KIDINS220: variants seen among roughly 807,000 people sequenced by gnomAD.
KIDINS220 encodes kinase D-interacting substrate of 220 kDa.
A neutral mutation model predicts 157.6 loss-of-function variants in KIDINS220; 63 were observed. The ratio of observed to expected loss-of-function variants is 0.40; its 90% confidence interval spans 0.33 to 0.49. KIDINS220 has a LOEUF of 0.49. Among genes scored for constraint, KIDINS220 ranks in the 20% least tolerant of loss-of-function variants. The probability of loss-of-function intolerance (pLI) is 0.66; values close to 1 mark genes in which losing one functional copy is unlikely to be tolerated. For missense variants in KIDINS220, 1,772 were observed against 2,171.2 expected (o/e 0.82, Z 3.65); for synonymous variants, 732 against 783.6 (o/e 0.93, Z 1.10).
At chr2:8,770,858 A>T (rs760841024) in intron 21 of KIDINS220, 26 bp from the exon 22 acceptor site, 58 of 1,431,976 alleles carry the variant, frequency 4.1e-5, no homozygotes, top group Non-Finnish European at 5.1e-5. Flanking sequence ...AAAGCATTTA[A>T]AAATTAATAG....
intron 22 of KIDINS220, among the ~76,000 whole-genome samples, chr2:8,759,367 G>A (rs969804911): frequency 1.3e-5 from 2 of 151,708 alleles, no homozygotes; most frequent in Middle Eastern, 3.4e-3. Context: ...GAGTTTACTC[G>A]ACATTAAACA....
intron 21 of KIDINS220, among the ~76,000 whole-genome samples, chr2:8,776,291 G>A (rs1248790934): frequency 6.6e-6 from 1 of 152,086 alleles, no homozygotes; most frequent in Admixed American, 6.6e-5. Context: ...CTGAAGCTAT[G>A]AGCAAGGAGG....
chr2:8,791,127 T>C lies in KIDINS220; in HGVS notation c.1374A>G (p.Pro458=). ...ADILSEPTMQ[P]PICVGLYAQW... ...GTGCATATAACCCCACACAAATGGGTGGCTGCATGGTAGGCTCACTGAGAA... is the reference window on the plus strand; with the variant it reads ...GTGCATATAACCCCACACAAATGGGCGGCTGCATGGTAGGCTCACTGAGAA... Residue 458 remains proline (P), a synonymous_variant, in exon 13 of 30, where the codon CCA becomes CCG. Transcript: ENST00000256707. The C allele has an allele frequency of 6.2e-7, 1 of 1,614,062 alleles. No individual in the cohort carries two copies. The highest frequency in any genetic ancestry group is 8.5e-7 in the Non-Finnish European group (1 of 1,179,956).
intron 11 of KIDINS220, among the ~76,000 whole-genome samples, chr2:8,795,335 C>G (rs1040868518): frequency 6.6e-6 from 1 of 152,162 alleles, no homozygotes; most frequent in Non-Finnish European, 1.5e-5. Flanking sequence ...CATCCCCAGA[C>G]CTGTGAGAAG....
rs1461764281 is a variant in KIDINS220 at position 8,796,857 on chromosome 2, G to A, written c.1012C>T (p.Pro338Ser). Residue 338 changes from proline to serine, a missense_variant, in exon 11 of 30, where the codon CCA becomes TCA. Physicochemically the swap from Pro to Ser is moderately conservative, Grantham distance 74 (BLOSUM62 -1). This residue lies in a region of KIDINS220 where 725 missense variants were observed against 1,017.1 expected (regional missense o/e 0.71). Coordinates refer to ENST00000256707, the MANE Select transcript of KIDINS220 (RefSeq NM_020738.4). ...TEICTKDGET[P>S]LIKATKMRNI... ...CTCATCTTGGTAGCCTTTATAAGTG[G>A]CGTTTCACCATCCTGTGGGCACAAA... 11 of 1,613,836 alleles carry A rather than the reference G, an allele frequency of 6.8e-6. No homozygotes were observed. Among genetic ancestry groups the A allele is most frequent in the Non-Finnish European group, 9.3e-6 (11 of 1,179,798 alleles).
chr2:8,779,606 G>A, intron 18 of KIDINS220, 68 bp downstream of exon 18: 1 of 1,500,224 alleles, frequency 6.7e-7, no homozygotes, highest in Non-Finnish European at 9.0e-7. Flanking sequence ...TTAGATATTT[G>A]TGAAGTCAAA....
rs190411675 is a variant in KIDINS220 at position 8,729,457 on chromosome 2, G to A, written c.*1263C>T. On this transcript the variant is annotated 3_prime_UTR_variant, in exon 30 of 30. Transcript: ENST00000256707. ...CTACATAAATGAGCTATGTTAAAAC[G>A]ATAACAATATTTCATTGCATGATGA... is the stretch of plus-strand genomic sequence containing the variant. 1.2e-5 allele frequency: 12 copies of A among 985,262 alleles called. No homozygotes were observed. In the East Asian group the frequency reaches 7.9e-4, roughly 65 times the overall value. 61.0% of individuals were successfully genotyped at this position (985,262 alleles called of 1,614,324 possible). A position where few individuals can be genotyped will look rare whatever the true frequency, so the allele number is the denominator to read the frequency against.
chr2:8,830,486 A>G (rs896058054), intron 1 of KIDINS220, among the ~76,000 whole-genome samples: 5 of 152,166 alleles, frequency 3.3e-5, no homozygotes, highest in African/African-American at 9.7e-5. Flanking sequence ...TAGCACGATC[A>G]TGGCTCACTG....
intron 17 of KIDINS220, among the ~76,000 whole-genome samples, chr2:8,782,571 CACTAATGAAGTCTACCA>C (rs1360206619): frequency 2.6e-5 from 4 of 152,134 alleles, no homozygotes; most frequent in Non-Finnish European, 5.9e-5. Context: ...CCAGAGGGTT[CACTAATGAAGTCTACCA>C]AGCACTTACA....
At chr2:8,746,665 C>T (rs571459287) in intron 26 of KIDINS220, 1 of 152,894 alleles carries the variant, frequency 6.5e-6, no homozygotes, top group Non-Finnish European at 1.5e-5. Context: ...AATGTAGACA[C>T]CTAGATTGAG....
intron 21 of KIDINS220, among the ~76,000 whole-genome samples, chr2:8,776,537 A>G (rs951434403): frequency 6.6e-6 from 1 of 152,236 alleles, no homozygotes; most frequent in Non-Finnish European, 1.5e-5. Context: ...AAGTTTTAAA[A>G]TAATGGTATA....
intron 1 of KIDINS220, among the ~76,000 whole-genome samples, chr2:8,834,135 G>A (rs935706792): frequency 2.6e-5 from 4 of 152,078 alleles, no homozygotes; most frequent in African/African-American, 9.7e-5. Context: ...AGCCTACCCT[G>A]GTGCTGACAT....
intron 22 of KIDINS220, among the ~76,000 whole-genome samples, chr2:8,753,062 G>A (rs1467768265): frequency 6.6e-6 from 1 of 152,062 alleles, no homozygotes; most frequent in South Asian, 2.1e-4. Flanking sequence ...CCTGATCTAA[G>A]GCAGTAAGCA....
intron 7 of KIDINS220, among the ~76,000 whole-genome samples, chr2:8,805,625 G>A (rs1019571274): frequency 9.2e-5 from 14 of 152,098 alleles, no homozygotes; most frequent in African/African-American, 3.4e-4. Context: ...AAATTACACA[G>A]GTTATAGGAG....
intron 6 of KIDINS220, among the ~76,000 whole-genome samples, chr2:8,807,915 A>C (rs1675716199): frequency 6.6e-6 from 1 of 152,204 alleles, no homozygotes; most frequent in African/African-American, 2.4e-5. Flanking sequence ...TGAGGTCAGG[A>C]GTTTAAGACC....
In KIDINS220 at chr2:8,802,914, G is replaced by A; in HGVS notation, c.801+16C>T. ...CACTTCACCACTAGGAGACAAATGT[G>A]AAATAGATGACCTACCCTGTCAGGT... is the stretch of plus-strand genomic sequence containing the variant. On this transcript the variant is annotated intron_variant, in intron 8 of 29. Coordinates refer to ENST00000256707, the MANE Select transcript of KIDINS220 (RefSeq NM_020738.4). 6.2e-7 allele frequency: 1 copy of A among 1,610,860 alleles called. No homozygotes were observed. Among genetic ancestry groups the A allele is most frequent in the Admixed American group, 1.7e-5 (1 of 59,614 alleles).
chr2:8,734,951 T>C (rs577662369), intron 27 of KIDINS220, among the ~76,000 whole-genome samples, 198 bp from the exon 28 acceptor site: 3 of 152,314 alleles, frequency 2.0e-5, no homozygotes, highest in South Asian at 2.1e-4. Flanking sequence ...CCACTTCATA[T>C]TTTCCCAAAT....
intron 28 of KIDINS220, among the ~76,000 whole-genome samples, chr2:8,734,106 T>C (rs1223219832): frequency 1.3e-5 from 2 of 150,790 alleles, no homozygotes; most frequent in Admixed American, 1.3e-4. Context: ...AGTGGGGATC[T>C]ACCACCAAGG....
chr2:8,753,234 A>T (rs1425106971), intron 22 of KIDINS220, among the ~76,000 whole-genome samples: 1 of 152,250 alleles, frequency 6.6e-6, no homozygotes, highest in Non-Finnish European at 1.5e-5. Flanking sequence ...CCAAAAAAAA[A>T]ATGAACTACT....
Sources: gnomAD v4.1 joint callset for allele counts (sites outside exome capture counted in the v4.1 genomes callset) on GRCh38, gnomAD v4.1.1 for gene constraint, gnomAD v4.1.1 regional missense constraint, MANE v1.5 for transcripts, NCBI Gene and HGNC (gene_info 2026-07-23, HGNC 2026-07-21) for gene names.